Variants in SIRT5 observed in about 807,000 individuals in gnomAD.
SIRT5 encodes NAD-dependent protein deacylase sirtuin-5, mitochondrial.
Under a neutral mutation model 40.0 loss-of-function variants are expected in SIRT5, and 26 were observed. The observed-to-expected ratio is 0.65, with a 90% CI of 0.48 to 0.90. The LOEUF is 0.90. Ranked by LOEUF, SIRT5 falls within the 40% of genes least tolerant of loss-of-function variation. The pLI is 0.00. For missense variants in SIRT5, 401 were observed against 402.4 expected (o/e 1.00, Z 0.03); for synonymous variants, 146 against 149.1 (o/e 0.98, Z 0.15).
intron 5 of SIRT5, among the ~76,000 whole-genome samples, chr6:13,594,048 T>G (rs1178377877): frequency 6.6e-6 from 1 of 152,160 alleles, no homozygotes; most frequent in Non-Finnish European, 1.5e-5. Flanking sequence ...GCCTGACATG[T>G]TCTTACCAAA....
chr6:13,598,858 C>T (rs1761978081), intron 7 of SIRT5, among the ~76,000 whole-genome samples, 174 bp from the exon 8 acceptor site: 1 of 151,106 alleles, frequency 6.6e-6, no homozygotes, highest in Non-Finnish European at 1.5e-5. Context: ...ACCATTAAAC[C>T]TGATGCTTCA....
chr6:13,611,953 A>G lies in SIRT5; in HGVS notation c.*88A>G, dbSNP rs200605513. 30 of 1,241,104 alleles carry G rather than the reference A, an allele frequency of 2.4e-5. No individual in the cohort carries two copies. The highest frequency in any genetic ancestry group is 3.2e-5 in the Non-Finnish European group (28 of 864,738). 76.9% of individuals were successfully genotyped at this position (1,241,104 alleles called of 1,614,324 possible). ...TGGTCTTATGGGTGGTGAGCTGAGT[A>G]CTGAACAATCTAAAAATAGCCTCTG... On this transcript the variant is annotated 3_prime_UTR_variant, in exon 10 of 10. Coordinates refer to ENST00000606117, the MANE Select transcript of SIRT5 (RefSeq NM_012241.5).
rs115996922 is a variant in SIRT5 at position 13,591,013 on chromosome 6, G to A, written c.250-656G>A. On this transcript the variant is annotated intron_variant, in intron 4 of 9. Coordinates refer to ENST00000606117, the MANE Select transcript of SIRT5 (RefSeq NM_012241.5). ...TATAGTTGTGTGGATGTAGATGTGT[G>A]TAGTTGTGTGTGTATCTTTAGTGTG... is the stretch of plus-strand genomic sequence containing the variant. Among the ~76,000 whole-genome samples, 976 of 151,812 alleles carry A rather than the reference G, an allele frequency of 6.4e-3. 4 individuals are homozygous for A. The highest frequency in any genetic ancestry group is 0.022 in the African/African-American group (910 of 41,398).
intron 9 of SIRT5, among the ~76,000 whole-genome samples, chr6:13,602,612 A>G (rs370714324): frequency 1.3e-5 from 2 of 152,234 alleles, no homozygotes; most frequent in East Asian, 3.8e-4. Flanking sequence ...GTAAAAAACA[A>G]AACAAAACAG....
chr6:13,600,371 AAT>A (rs1304671588), intron 8 of SIRT5, among the ~76,000 whole-genome samples: 1 of 152,236 alleles, frequency 6.6e-6, no homozygotes, highest in Non-Finnish European at 1.5e-5. Flanking sequence ...TTTATAAGCA[AAT>A]ATTTATAAGA....
intron 2 of SIRT5, among the ~76,000 whole-genome samples, chr6:13,582,785 A>G (rs1426331637): frequency 6.6e-6 from 1 of 152,186 alleles, no homozygotes; most frequent in Non-Finnish European, 1.5e-5. Flanking sequence ...TCAGGTATAG[A>G]CAAAGATTTA....
At chr6:13,598,699 C>T (rs2127688579) in intron 7 of SIRT5, among the ~76,000 whole-genome samples, 1 of 151,990 alleles carries the variant, frequency 6.6e-6, no homozygotes, top group East Asian at 1.9e-4. Flanking sequence ...TGTGGTCACA[C>T]ATGACTGTAG....
intron 2 of SIRT5, among the ~76,000 whole-genome samples, chr6:13,582,734 T>C (rs9474644): frequency 0.015 from 2,297 of 152,254 alleles, 56 homozygotes; most frequent in African/African-American, 0.053. Flanking sequence ...TTGTTCCAAA[T>C]GTTGTCTTTC....
intron 5 of SIRT5, among the ~76,000 whole-genome samples, chr6:13,595,165 G>T (rs1316168907): frequency 6.6e-6 from 1 of 152,200 alleles, no homozygotes. Flanking sequence ...TAAGAGTACT[G>T]CATGCCTCTG....
At position 13,607,404 on chromosome 6, in the gene SIRT5, TA is replaced by T. The variant is rs1763257000; in HGVS notation, c.858-4384del. Among the ~76,000 whole-genome samples the T allele has an allele frequency of 6.6e-6, 1 of 152,174 alleles. No individual in the cohort carries two copies. The highest frequency in any genetic ancestry group is 1.5e-5 in the Non-Finnish European group (1 of 68,036). Reference sequence around the variant, plus strand: ...CCATCTTTTACACCTACACCTAATTTAACCAAATTATATTTAGTGACTCAGT... The same window carrying T: ...CCATCTTTTACACCTACACCTAATTTACCAAATTATATTTAGTGACTCAGT... On this transcript the variant is annotated intron_variant, in intron 9 of 9. Transcript: ENST00000606117. This position sits in a 1 kb window ranked among gnomAD's most constrained non-coding sequence, Gnocchi z 4.0.
chr6:13,604,560 G>A (rs765347143), intron 9 of SIRT5: 1 of 1,579,968 alleles, frequency 6.3e-7, no homozygotes, highest in East Asian at 2.3e-5. Context: ...TGCAGATAGA[G>A]AAAAAGAAGA....
intron 7 of SIRT5, 115 bp downstream of exon 7, chr6:13,597,131 A>T (rs1167822629): frequency 2.5e-6 from 2 of 784,840 alleles, no homozygotes; most frequent in Admixed American, 5.3e-5. Context: ...CAAATGCACA[A>T]ATGTAAAAAC....
At chr6:13,591,362 T>G (rs948836642) in intron 4 of SIRT5, among the ~76,000 whole-genome samples, 1 of 152,228 alleles carries the variant, frequency 6.6e-6, no homozygotes, top group Non-Finnish European at 1.5e-5. Flanking sequence ...TTCCTGCATG[T>G]TCCTTTACTT....
At chr6:13,598,543 A>G (rs1014299899) in intron 7 of SIRT5, among the ~76,000 whole-genome samples, 2 of 152,152 alleles carry the variant, frequency 1.3e-5, no homozygotes, top group African/African-American at 4.8e-5. Context: ...AAATAAGGAC[A>G]GTTCTGCAGG....
chr6:13,610,183 C>A, intron 9 of SIRT5, among the ~76,000 whole-genome samples: 1 of 152,120 alleles, frequency 6.6e-6, no homozygotes, highest in East Asian at 1.9e-4. Flanking sequence ...GTTGCCCAGA[C>A]TGGTCTTGAA....
intron 3 of SIRT5, among the ~76,000 whole-genome samples, chr6:13,585,510 G>C (rs1019287868): frequency 6.6e-6 from 1 of 151,566 alleles, no homozygotes; most frequent in Admixed American, 6.6e-5. Context: ...TTCTGTCCTT[G>C]CGATAGTTTT....
intron 7 of SIRT5, 119 bp from the exon 8 acceptor site, chr6:13,598,913 A>G (rs1411351294): frequency 2.6e-6 from 3 of 1,154,380 alleles, no homozygotes; most frequent in Admixed American, 2.1e-5. Flanking sequence ...GGTGTAGGGA[A>G]TAAGAGGCAT....
At chr6:13,589,791 T>C (rs1760582550) in intron 4 of SIRT5, among the ~76,000 whole-genome samples, 2 of 151,836 alleles carry the variant, frequency 1.3e-5, no homozygotes, top group South Asian at 4.2e-4. Flanking sequence ...CAGCAGAGGG[T>C]GGGAGGTCAG....
At chr6:13,604,680 T>C in intron 9 of SIRT5, 2 of 1,396,244 alleles carry the variant, frequency 1.4e-6, no homozygotes, top group East Asian at 2.8e-5. Flanking sequence ...TGGCTGTGTC[T>C]TCATGTGAAA....
Sources: gnomAD v4.1 joint callset for allele counts (sites outside exome capture counted in the v4.1 genomes callset) on GRCh38, gnomAD v4.1.1 for gene constraint, Gnocchi (gnomAD v3.1) non-coding constraint, MANE v1.5 for transcripts, NCBI Gene and HGNC (gene_info 2026-07-23, HGNC 2026-07-21) for gene names.